Variants in FRMD4A observed in about 807,000 individuals in gnomAD.
FRMD4A encodes the protein FERM domain-containing protein 4A.
In FRMD4A, 29 loss-of-function variants were observed where a neutral mutation model predicts 129.1. The ratio of observed to expected loss-of-function variants is 0.22; its 90% CI spans 0.17 to 0.31. The LOEUF is 0.31. Ranked by LOEUF, FRMD4A falls within the 10% of genes least tolerant of loss-of-function variation. The pLI is 1.00. For missense variants in FRMD4A, 1,272 were observed against 1,375.8 expected (o/e 0.92, Z 1.19); for synonymous variants, 634 against 571.6 (o/e 1.11, Z -1.56).
intron 2 of FRMD4A, among the ~76,000 whole-genome samples, chr10:14,232,738 G>A (rs1329647615): frequency 6.6e-6 from 1 of 152,172 alleles, no homozygotes; most frequent in African/African-American, 2.4e-5. Context: ...TGTTATTGGT[G>A]TATAGAAATG....
rs1056235217 is a variant in FRMD4A, at chr10:14,076,023, C to A, written c.46-217111G>T. Among the ~76,000 whole-genome samples the A allele has an allele frequency of 4.6e-5, 7 of 152,284 alleles. No individual in the cohort carries two copies. The East Asian group carries it at 1.2e-3, about 25-fold the overall frequency. On this transcript the variant is annotated intron_variant, in intron 2 of 24. Coordinates refer to ENST00000357447, the MANE Select transcript of FRMD4A (RefSeq NM_018027.5). ...GAGGATGGAACATTGACCAGAAGAA[C>A]CTGACCTTAGTTGATGGCAACTCTG...
intron 2 of FRMD4A, among the ~76,000 whole-genome samples, chr10:13,939,114 C>T (rs757306469): frequency 6.6e-6 from 1 of 152,178 alleles, no homozygotes; most frequent in Non-Finnish European, 1.5e-5. Context: ...GGCAGCTACA[C>T]GGTAAGGCAA....
At chr10:14,137,554 G>A (rs962871621) in intron 2 of FRMD4A, among the ~76,000 whole-genome samples, 2 of 152,170 alleles carry the variant, frequency 1.3e-5, no homozygotes, top group Non-Finnish European at 2.9e-5. Flanking sequence ...TAATATGAGT[G>A]AAGTGATTGA....
At chr10:13,688,199 G>T (rs956105137) in intron 15 of FRMD4A, among the ~76,000 whole-genome samples, 1 of 152,146 alleles carries the variant, frequency 6.6e-6, no homozygotes, top group Non-Finnish European at 1.5e-5. Context: ...ATACACCATG[G>T]AATACTATGC....
At position 13,760,750 on chromosome 10, in the gene FRMD4A, C is replaced by T. The variant is rs539419361; in HGVS notation, c.464+897G>A. Among the ~76,000 whole-genome samples, 27 of 152,204 alleles carry T rather than the reference C, an allele frequency of 1.8e-4. 2 individuals carry two copies. Among genetic ancestry groups the T allele is most frequent in the Admixed American group, 1.5e-3 (23 of 15,280 alleles). On this transcript the variant is annotated intron_variant, in intron 8 of 24. Coordinates refer to ENST00000357447, the MANE Select transcript of FRMD4A (RefSeq NM_018027.5). The stretch of plus-strand genomic sequence containing the variant: ...TACGATCTGTGTTTCTTTTTAATAC[C>T]AATTTGCTAATTTCCTGTTAATGGG...
At chr10:14,251,866 C>A (rs890328937) in intron 2 of FRMD4A, among the ~76,000 whole-genome samples, 2 of 151,476 alleles carry the variant, frequency 1.3e-5, no homozygotes, top group Non-Finnish European at 2.9e-5. Context: ...GAAGATCAAA[C>A]GAGCATGTGT....
intron 2 of FRMD4A, among the ~76,000 whole-genome samples, chr10:14,320,625 A>G (rs1338567194): frequency 6.6e-6 from 1 of 152,216 alleles, no homozygotes; most frequent in Non-Finnish European, 1.5e-5. Context: ...CCTTCCATGT[A>G]GGGCCCTTTC....
At chr10:13,753,544 T>TTTTA (rs1355626864) in intron 8 of FRMD4A, among the ~76,000 whole-genome samples, 3 of 147,778 alleles carry the variant, frequency 2.0e-5, no homozygotes, top group South Asian at 4.4e-4. Flanking sequence ...CCTTTCTATT[T>TTTTA]TTTTTTTTTT....
intron 3 of FRMD4A, among the ~76,000 whole-genome samples, chr10:13,849,302 C>G (rs2094106635): frequency 6.6e-6 from 1 of 152,188 alleles, no homozygotes; most frequent in Non-Finnish European, 1.5e-5. Flanking sequence ...TCAGACCAGA[C>G]AGGAGCAGAT....
At chr10:13,899,117 G>A (rs1309254356) in intron 2 of FRMD4A, among the ~76,000 whole-genome samples, 4 of 152,050 alleles carry the variant, frequency 2.6e-5, no homozygotes, top group Admixed American at 1.3e-4. Context: ...GTTTGTGATC[G>A]CACCACTGCA....
intron 19 of FRMD4A, among the ~76,000 whole-genome samples, chr10:13,660,902 TTG>T (rs2082591046): frequency 6.6e-6 from 1 of 152,182 alleles, no homozygotes. Flanking sequence ...TAGTGCTAAG[TTG>T]TCTTTCAACA....
chr10:13,717,692 GTTTT>G (rs35059886), intron 12 of FRMD4A, among the ~76,000 whole-genome samples: 1 of 95,248 alleles, frequency 1.0e-5, no homozygotes, highest in African/African-American at 4.3e-5. Flanking sequence ...TGTTGTTCTT[GTTTT>G]TTTTTTTTTT....
At chr10:14,197,070 G>A (rs1282616345) in intron 2 of FRMD4A, among the ~76,000 whole-genome samples, 4 of 152,128 alleles carry the variant, frequency 2.6e-5, no homozygotes, top group African/African-American at 9.7e-5. Flanking sequence ...ACATCCCGAT[G>A]GATATTTAAG....
At position 13,925,376 on chromosome 10, in the gene FRMD4A, A is replaced by C. The variant is rs538417367; in HGVS notation, c.46-66464T>G. On this transcript the variant is annotated intron_variant, in intron 2 of 24. Transcript: ENST00000357447. ...TTTGTATATTTACTTTTGTGTACAA[A>C]AATTTAACCTCCTGAATGTGATCGC... Among the ~76,000 whole-genome samples, 6 of 152,210 alleles carry C rather than the reference A, an allele frequency of 3.9e-5. No homozygotes were observed. The East Asian group carries it at 1.2e-3, about 29-fold the overall frequency.
intron 2 of FRMD4A, among the ~76,000 whole-genome samples, chr10:14,111,991 A>C: frequency 9.0e-6 from 1 of 111,312 alleles, no homozygotes; most frequent in African/African-American, 3.5e-5. Flanking sequence ...GAAGGCAGGG[A>C]AGGAAGGGAG....
At chr10:13,738,017 C>A (rs748076065) in intron 11 of FRMD4A, 87 bp from the exon 12 acceptor site, 2 of 766,788 alleles carry the variant, frequency 2.6e-6, no homozygotes, top group East Asian at 2.6e-5. Flanking sequence ...CAGGGGCAGA[C>A]GAGGGAAAGG....
chr10:14,194,044 A>G (rs1484981085), intron 2 of FRMD4A, among the ~76,000 whole-genome samples: 1 of 152,220 alleles, frequency 6.6e-6, no homozygotes, highest in Non-Finnish European at 1.5e-5. Flanking sequence ...CTAGCTATAC[A>G]TGTTGGCAAA....
At chr10:14,176,850 T>C (rs558471301) in intron 2 of FRMD4A, among the ~76,000 whole-genome samples, 1 of 152,288 alleles carries the variant, frequency 6.6e-6, no homozygotes, top group East Asian at 1.9e-4. Flanking sequence ...CATTTTTCAG[T>C]GTCAGGGAAG....
At chr10:14,265,478 G>A (rs1301038300) in intron 2 of FRMD4A, among the ~76,000 whole-genome samples, 5 of 152,090 alleles carry the variant, frequency 3.3e-5, no homozygotes, top group Non-Finnish European at 5.9e-5. Context: ...ATTACTTCTT[G>A]GCTTAAAATT....
Sources: gnomAD v4.1 joint callset for allele counts (sites outside exome capture counted in the v4.1 genomes callset) on GRCh38, gnomAD v4.1.1 for gene constraint, MANE v1.5 for transcripts, NCBI Gene and HGNC (gene_info 2026-07-23, HGNC 2026-07-21) for gene names.